The following ETV6 variants were observed in gnomAD, a reference collection of about 807,000 sequenced individuals.
ETV6 encodes ETS variant transcription factor 6.
In ETV6, 16 loss-of-function variants were observed where a neutral mutation model predicts 51.1. That is an observed-to-expected ratio of 0.31 (90% CI 0.21 to 0.48). ETV6 has a LOEUF of 0.48. Ranked by LOEUF, ETV6 falls within the 20% of genes least tolerant of loss-of-function variation. The pLI is 0.99. For missense variants in ETV6, 458 were observed against 594.8 expected, an observed-to-expected ratio of 0.77 and a Z score of 2.39; for synonymous variants, 240 against 224.1, an observed-to-expected ratio of 1.07 and a Z score of -0.64.
chr12:11,795,132 C>T (rs1945657270), intron 2 of ETV6, among the ~76,000 whole-genome samples: 1 of 152,230 alleles, frequency 6.6e-6, no homozygotes, highest in African/African-American at 2.4e-5. Flanking sequence ...TAAGCTGGAT[C>T]TGTGCCTTAC....
intron 5 of ETV6, among the ~76,000 whole-genome samples, chr12:11,880,636 C>G (rs4763730): frequency 0.34 from 51,226 of 152,096 alleles, 12,500 homozygotes; most frequent in African/African-American, 0.69. Context: ...TGTCCGCTTT[C>G]TTTTTGCTCT....
Position 11,890,813 on chromosome 12 carries a change from C to T in ETV6, c.1254-128C>T, listed in dbSNP as rs1202693243. 45 of 754,350 alleles carry T rather than the reference C, an allele frequency of 6.0e-5. No homozygotes were observed. In the South Asian group the frequency reaches 6.6e-4, roughly 11 times the overall value. The allele number at this position is 754,350 out of a possible 1,614,324, so 46.7% of individuals were successfully genotyped here. On this transcript the variant is annotated intron_variant, in intron 7 of 7. Coordinates refer to ENST00000396373, the MANE Select transcript of ETV6 (RefSeq NM_001987.5). ...TAATTTGCACTAAGTTAACATTAAT[C>T]TCGGGGTTCAGTAGCTCTCCAGCTG...
intron 1 of ETV6, among the ~76,000 whole-genome samples, chr12:11,728,210 G>C (rs1565501263): frequency 6.6e-6 from 1 of 152,206 alleles, no homozygotes; most frequent in African/African-American, 2.4e-5. Context: ...CTTCAAGCTG[G>C]CTGTTTATTC....
intron 1 of ETV6, among the ~76,000 whole-genome samples, chr12:11,729,579 T>G (rs561828598): frequency 6.6e-6 from 1 of 152,344 alleles, no homozygotes; most frequent in African/African-American, 2.4e-5. Context: ...TTGGTATGAC[T>G]GTTGGCAATT....
intron 1 of ETV6, among the ~76,000 whole-genome samples, chr12:11,700,273 T>C (rs2120833520): frequency 6.6e-6 from 1 of 152,358 alleles, no homozygotes; most frequent in East Asian, 1.9e-4. Context: ...TGCAGTTTTG[T>C]TACATGGATA....
intron 1 of ETV6, among the ~76,000 whole-genome samples, chr12:11,736,605 C>T (rs977218979): frequency 1.3e-5 from 2 of 152,030 alleles, no homozygotes; most frequent in Non-Finnish European, 2.9e-5. Context: ...GTATCTATTT[C>T]GAGAGGGAAC....
At chr12:11,758,335 C>T (rs1014276637) in intron 2 of ETV6, among the ~76,000 whole-genome samples, 5 of 152,134 alleles carry the variant, frequency 3.3e-5, no homozygotes, top group African/African-American at 9.7e-5. Context: ...CACCAAAGCT[C>T]CATTTCTGTT....
chr12:11,818,129 T>C (rs118019273), intron 2 of ETV6, among the ~76,000 whole-genome samples: 1 of 152,182 alleles, frequency 6.6e-6, no homozygotes, highest in Non-Finnish European at 1.5e-5. Flanking sequence ...GGAAAGGGCC[T>C]TGGGGGCCAG....
At chr12:11,767,077 C>T (rs954780740) in intron 2 of ETV6, among the ~76,000 whole-genome samples, 2 of 152,016 alleles carry the variant, frequency 1.3e-5, no homozygotes, top group Non-Finnish European at 2.9e-5. Context: ...TCATTTGGGG[C>T]GTGAGAACAG....
At chr12:11,689,107 G>GC (rs1864694466) in intron 1 of ETV6, among the ~76,000 whole-genome samples, 2 of 122,872 alleles carry the variant, frequency 1.6e-5, no homozygotes, top group African/African-American at 6.1e-5. Context: ...TGCAAAGGAG[G>GC]CCCAGGACTC....
chr12:11,668,361 T>C (rs928221335), intron 1 of ETV6, among the ~76,000 whole-genome samples: 24 of 152,052 alleles, frequency 1.6e-4, no homozygotes, highest in African/African-American at 5.3e-4. Context: ...AAATTCTAAA[T>C]TGTGATGTGT....
intron 1 of ETV6, among the ~76,000 whole-genome samples, chr12:11,705,874 T>C (rs1865064681): frequency 6.6e-6 from 1 of 152,222 alleles, no homozygotes; most frequent in Non-Finnish European, 1.5e-5. Flanking sequence ...TGCCTGTGTT[T>C]AAGTGCTTTT....
intron 1 of ETV6, among the ~76,000 whole-genome samples, chr12:11,659,867 C>T (rs1242132444): frequency 6.6e-6 from 1 of 152,126 alleles, no homozygotes; most frequent in Non-Finnish European, 1.5e-5. Context: ...GAGCTGCCCA[C>T]CTCACTTGCA....
chr12:11,893,078 C>T lies in ETV6; in HGVS notation c.*2032C>T. On this transcript the variant is annotated 3_prime_UTR_variant, in exon 8 of 8. Transcript: ENST00000396373. The stretch of plus-strand genomic sequence containing the variant: ...ATGGTGATGAGATTCTGCTGGATCT[C>T]AGCACGCTGCAGGTGTCTTTTGAGA... 4.3e-6 allele frequency: 1 copy of T among 232,890 alleles called. No homozygotes were observed. 14.4% of individuals were successfully genotyped at this position (232,890 alleles called of 1,614,324 possible).
In ETV6 at chr12:11,772,406, G is replaced by C. The variant is rs919278046; in HGVS notation, c.163+19827G>C. 3.3e-5 allele frequency among the ~76,000 whole-genome samples: 5 copies of C among 152,350 alleles called. No individual in the cohort carries two copies. In the South Asian group the frequency reaches 1.0e-3, roughly 32 times the overall value. On this transcript the variant is annotated intron_variant, in intron 2 of 7. Transcript: ENST00000396373. ...CAGTCAAAGGTGTCCGAATAGTAAA[G>C]ATGGTTTTCAGTGATCAGGTCTGTG...
At chr12:11,790,378 A>G (rs1187088070) in intron 2 of ETV6, among the ~76,000 whole-genome samples, 1 of 152,112 alleles carries the variant, frequency 6.6e-6, no homozygotes, top group Non-Finnish European at 1.5e-5. Flanking sequence ...ACTGAAGGCA[A>G]GTTCTCCGTG....
intron 1 of ETV6, among the ~76,000 whole-genome samples, chr12:11,723,251 T>A (rs572248649): frequency 1.3e-3 from 192 of 152,298 alleles, no homozygotes; most frequent in Non-Finnish European, 2.1e-3. Flanking sequence ...TAGGTTAGTA[T>A]GACACGGTTA....
intron 1 of ETV6, among the ~76,000 whole-genome samples, chr12:11,722,093 T>A (rs141815271): frequency 0.01 from 1,575 of 152,334 alleles, 27 homozygotes; most frequent in African/African-American, 0.035. Context: ...TTAGGCTGAC[T>A]TGACTGTATC....
intron 1 of ETV6, among the ~76,000 whole-genome samples, chr12:11,749,348 C>CCT (rs1865976460): frequency 7.7e-6 from 1 of 130,140 alleles, no homozygotes; most frequent in South Asian, 2.6e-4. Context: ...CACACACACA[C>CCT]ACCCCTACTC....
Sources: allele counts gnomAD v4.1 joint callset (sites outside exome capture counted in the v4.1 genomes callset), GRCh38; gene constraint gnomAD v4.1.1; transcripts MANE v1.5; gene names NCBI Gene and HGNC (gene_info 2026-07-23, HGNC 2026-07-21).